RUFY2: variants seen among roughly 807,000 people sequenced by gnomAD.
RUFY2 encodes the protein RUN and FYVE domain-containing protein 2.
A neutral mutation model predicts 94.4 loss-of-function variants in RUFY2; 49 were observed. That is an observed-to-expected ratio of 0.52 (90% CI 0.41 to 0.66). The LOEUF (loss-of-function observed/expected upper bound fraction) is 0.66, where lower values mean the gene tolerates loss of function less well. Among genes scored for constraint, RUFY2 ranks in the 30% least tolerant of loss-of-function variants. The probability of loss-of-function intolerance (pLI) is 0.00; values close to 1 mark genes in which losing one functional copy is unlikely to be tolerated. For synonymous variants in RUFY2, 255 were observed against 235.7 expected (o/e 1.08, Z -0.75); for missense variants, 541 against 692.8 (o/e 0.78, Z 2.46).
chr10:68,393,235 T>C (rs2050135722), intron 6 of RUFY2, 32 bp from the exon 7 acceptor site: 3 of 1,245,574 alleles, frequency 2.4e-6, no homozygotes, highest in African/African-American at 1.6e-5. Context: ...TTTGTGCTAG[T>C]TGAAAAGGTA....
intron 12 of RUFY2, chr10:68,378,386 C>T (rs774012129): frequency 3.2e-6 from 4 of 1,233,208 alleles, no homozygotes; most frequent in Non-Finnish European, 4.0e-6. Flanking sequence ...GTCTGGAAAT[C>T]CAAGTGCACC....
At chr10:68,388,269 C>T (rs1480254607) in intron 7 of RUFY2, among the ~76,000 whole-genome samples, 1 of 151,960 alleles carries the variant, frequency 6.6e-6, no homozygotes, top group Non-Finnish European at 1.5e-5. Context: ...TTGAGACCAG[C>T]CTGACCAACA....
chr10:68,357,823 T>C (rs2047166174), intron 15 of RUFY2, among the ~76,000 whole-genome samples: 1 of 152,150 alleles, frequency 6.6e-6, no homozygotes, highest in Non-Finnish European at 1.5e-5. Flanking sequence ...TATAAAATAG[T>C]ATATATAATT....
chr10:68,376,442 G>GTGTATA (rs1277502418), intron 13 of RUFY2, among the ~76,000 whole-genome samples: 2 of 27,926 alleles, frequency 7.2e-5, no homozygotes, highest in African/African-American at 1.5e-4. Flanking sequence ...AAAAATGTGT[G>GTGTATA]TATATATATA....
chr10:68,341,193 C>T, downstream of RUFY2: 1 of 1,578,622 alleles, frequency 6.3e-7, no homozygotes, highest in Non-Finnish European at 8.6e-7. Flanking sequence ...CCACTAAATC[C>T]AATACGAGTT....
In RUFY2 at chr10:68,381,241, T is replaced by C; in HGVS notation, c.1098A>G (p.Gln366=). 6.2e-7 allele frequency: 1 copy of C among 1,604,232 alleles called. No individual in the cohort carries two copies. Among genetic ancestry groups the C allele is most frequent in the Non-Finnish European group, 8.5e-7 (1 of 1,175,156 alleles). ...EVKAINIEMY[Q]KLQGSEDGLK... ...TAAGAACAATCCTTACCTGCAACTT[T>C]TGATACATCTCTATGTTAATTGCTT... The change falls in exon 11 of 18, where the codon CAA becomes CAG. Residue 366 remains glutamine (Q), a synonymous_variant. Transcript: ENST00000602465.
At position 68,405,397 on chromosome 10, in the gene RUFY2, C is replaced by T. The variant is rs2051211032; in HGVS notation, c.5-553G>A. The T allele has an allele frequency of 9.2e-6, 8 of 865,054 alleles. No individual in the cohort carries two copies. The South Asian group carries it at 3.2e-4, about 34-fold the overall frequency. 53.6% of individuals were successfully genotyped at this position (865,054 alleles called of 1,614,324 possible). A position where few individuals can be genotyped will look rare whatever the true frequency, so the allele number is the denominator to read the frequency against. The stretch of plus-strand genomic sequence containing the variant: ...CCAGCCAAAGTTAATGAATTATTCT[C>T]AAGATCCTGCAAATCTGCCATTCTC... On this transcript the variant is annotated intron_variant, in intron 1 of 17. Transcript: ENST00000602465.
chr10:68,342,302 T>TTA, downstream of RUFY2: 1 of 394,704 alleles, frequency 2.5e-6, no homozygotes. Context: ...TATATACTAG[T>TTA]TACTCCTAAA....
Position 68,379,544 on chromosome 10 carries a change from TG to T in RUFY2, c.1108-24del, listed in dbSNP as rs1564820975. 4 of 1,548,678 alleles carry T rather than the reference TG, an allele frequency of 2.6e-6. No individual in the cohort carries two copies. In the South Asian group the frequency reaches 4.5e-5, roughly 18 times the overall value. ...ACCCTATTTATAAAAACAAAAGCTA[TG>T]GTGGTTTTGATTTGTGTGTGTGTGT... On this transcript the variant is annotated intron_variant, in intron 11 of 17. Transcript: ENST00000602465.
chr10:68,357,222 G>A (rs1264802667), intron 15 of RUFY2, among the ~76,000 whole-genome samples: 2 of 151,678 alleles, frequency 1.3e-5, no homozygotes, highest in Non-Finnish European at 2.9e-5. Flanking sequence ...GCTACCAAGT[G>A]GTATAACTTT....
Position 68,346,399 on chromosome 10 carries a change from TG to T in RUFY2, c.1600-316del, listed in dbSNP as rs541473149. On this transcript the variant is annotated intron_variant, in intron 16 of 17. Coordinates refer to ENST00000602465, the MANE Select transcript of RUFY2 (RefSeq NM_001330103.2). ...TGAGGCCTGGAGTTCAAGACCAAGC[TG>T]GGCAACACAGAATCTGTCTCTTAAA... 2.3e-3 allele frequency: 557 copies of T among 246,984 alleles called. 4 individuals carry two copies. The highest frequency in any genetic ancestry group is 0.012 in the African/African-American group (526 of 44,166). 15.3% of individuals were successfully genotyped at this position (246,984 alleles called of 1,614,324 possible).
chr10:68,377,400 G>A, intron 12 of RUFY2: 1 of 1,006,576 alleles, frequency 9.9e-7, no homozygotes, highest in Non-Finnish European at 1.2e-6. Context: ...GGATGTGTAT[G>A]CCAGGAATCA....
At chr10:68,346,330 C>T (rs2046271713) in intron 16 of RUFY2, 5 of 376,890 alleles carry the variant, frequency 1.3e-5, no homozygotes, top group East Asian at 5.4e-5. Context: ...ATGGCTCACA[C>T]CGGTAATTCC....
chr10:68,355,204 A>G, intron 16 of RUFY2, 149 bp downstream of exon 16: 1 of 564,552 alleles, frequency 1.8e-6, no homozygotes, highest in Non-Finnish European at 3.2e-6. Context: ...GGTACAGGGA[A>G]GAGCTGAACC....
intron 16 of RUFY2, among the ~76,000 whole-genome samples, chr10:68,353,188 G>A (rs980353891): frequency 1.3e-5 from 2 of 151,506 alleles, no homozygotes; most frequent in South Asian, 2.1e-4. Context: ...AAAATTACCC[G>A]GGTGTGGTAG....
chr10:68,364,033 G>A lies in RUFY2; in HGVS notation c.1406C>T (p.Ala469Val). Reference protein sequence around the residue: ...LQEDLQKEKDALSHLRNETQQ... With the variant: ...LQEDLQKEKDVLSHLRNETQQ... Reference sequence around the variant, plus strand: ...AGTCTCATTTCTAAGATGAGATAAGGCATCTTTCTCCTTTTGAAGATCTTC... The same window carrying A: ...AGTCTCATTTCTAAGATGAGATAAGACATCTTTCTCCTTTTGAAGATCTTC... The change falls in exon 14 of 18, where the codon GCC becomes GTC. Residue 469 changes from alanine to valine, a missense_variant. Transcript: ENST00000602465. The A allele has an allele frequency of 6.2e-7, 1 of 1,608,828 alleles. No individual in the cohort carries two copies. The highest frequency in any genetic ancestry group is 8.5e-7 in the Non-Finnish European group (1 of 1,175,698).
intron 7 of RUFY2, among the ~76,000 whole-genome samples, chr10:68,387,046 T>C (rs1042273050): frequency 7.9e-5 from 12 of 152,166 alleles, no homozygotes; most frequent in Non-Finnish European, 4.4e-5. Context: ...GAATCAAGAC[T>C]GGACATTATT....
Position 68,407,219 on chromosome 10 carries a change from A to C in RUFY2, c.-30T>G, listed in dbSNP as rs1161496945. 272 of 1,393,590 alleles carry C rather than the reference A, an allele frequency of 2.0e-4. No individual in the cohort carries two copies. The highest frequency in any genetic ancestry group is 2.4e-4 in the Non-Finnish European group (256 of 1,085,730). The allele number at this position is 1,393,590 out of a possible 1,614,324, so 86.3% of individuals were successfully genotyped here. A position where few individuals can be genotyped will look rare whatever the true frequency, so the allele number is the denominator to read the frequency against. On this transcript the variant is annotated 5_prime_UTR_variant, in exon 1 of 18. Coordinates refer to ENST00000602465, the MANE Select transcript of RUFY2 (RefSeq NM_001330103.2). ...GCGGCGGCTGCGCGGTCTCGGGCGG[A>C]GGCTCCCTCGGCCTGTCCAGCAGCT...
chr10:68,378,670 A>C, intron 12 of RUFY2: 2 of 1,606,590 alleles, frequency 1.2e-6, no homozygotes, highest in Non-Finnish European at 1.7e-6. Context: ...AATCGTTGTC[A>C]CTTCATAATG....
Sources: allele counts gnomAD v4.1 joint callset (sites outside exome capture counted in the v4.1 genomes callset), GRCh38; gene constraint gnomAD v4.1.1; transcripts MANE v1.5; gene names NCBI Gene and HGNC (gene_info 2026-07-23, HGNC 2026-07-21).